PPFIA1: variants seen among roughly 807,000 people sequenced by gnomAD.
PPFIA1 encodes PPFI scaffold protein A1.
In PPFIA1, 25 loss-of-function variants were observed where a neutral mutation model predicts 149.9. The observed-to-expected ratio is 0.17, with a 90% CI of 0.12 to 0.23. PPFIA1 has a LOEUF of 0.23. Ranked by LOEUF, PPFIA1 falls within the 10% of genes least tolerant of loss-of-function variation. PPFIA1 has a pLI of 1.00. For synonymous variants in PPFIA1, 549 were observed against 552.8 expected, an observed-to-expected ratio of 0.99 and a Z score of 0.10; for missense variants, 1,362 against 1,506.5, an observed-to-expected ratio of 0.90 and a Z score of 1.59.
chr11:70,279,919 A>G (rs539822589), intron 2 of PPFIA1, among the ~76,000 whole-genome samples: 204 of 100,546 alleles, frequency 2.0e-3, no homozygotes, highest in African/African-American at 9.1e-3. Flanking sequence ...GTGTGTGTGT[A>G]TATTTTTGGG....
At chr11:70,372,026 C>T (rs2057292053) in intron 21 of PPFIA1, 189 bp from the exon 22 acceptor site, 2 of 438,416 alleles carry the variant, frequency 4.6e-6, no homozygotes, top group South Asian at 6.7e-5. Flanking sequence ...TGTTACTATT[C>T]CTGTTGTATA....
intron 2 of PPFIA1, among the ~76,000 whole-genome samples, chr11:70,273,299 T>C (rs2050201979): frequency 6.6e-6 from 1 of 152,148 alleles, no homozygotes; most frequent in Non-Finnish European, 1.5e-5. Context: ...ACTGAAATTG[T>C]TTCTCTGAGT....
chr11:70,343,923 A>C, intron 15 of PPFIA1, 31 bp downstream of exon 15: 4 of 1,559,944 alleles, frequency 2.6e-6, no homozygotes, highest in Non-Finnish European at 2.6e-6. Flanking sequence ...CACTCACCAC[A>C]CGCATGGGTG....
intron 2 of PPFIA1, among the ~76,000 whole-genome samples, chr11:70,278,507 A>C (rs2050553111): frequency 6.6e-6 from 1 of 151,782 alleles, no homozygotes; most frequent in African/African-American, 2.4e-5. Flanking sequence ...ACTTCTTTTT[A>C]TTTTCCCCTC....
chr11:70,335,077 C>G (rs955558776), intron 10 of PPFIA1, among the ~76,000 whole-genome samples: 1 of 152,102 alleles, frequency 6.6e-6, no homozygotes, highest in Non-Finnish European at 1.5e-5. Context: ...ATTTAAGCAA[C>G]ATAAAGATAT....
At chr11:70,325,225 T>A in intron 4 of PPFIA1, 1 of 472,090 alleles carries the variant, frequency 2.1e-6, no homozygotes, top group Non-Finnish European at 3.5e-6. Flanking sequence ...AATTGGGTAG[T>A]ATTAGGTTGT....
chr11:70,355,230 C>T (rs761930093), intron 17 of PPFIA1, among the ~76,000 whole-genome samples: 6 of 152,112 alleles, frequency 3.9e-5, no homozygotes, highest in South Asian at 2.1e-4. Context: ...CATTGGATTT[C>T]GGTTCTGTGC....
In PPFIA1 at chr11:70,356,259, GC is replaced by G; in HGVS notation, c.2582+6del. ...AAATCGTAAACTTCAAAAAAAGTAAGCTTTGTGTTATTTCTTCATCTCATTG... is the reference window on the plus strand; with the variant it reads ...AAATCGTAAACTTCAAAAAAAGTAAGTTTGTGTTATTTCTTCATCTCATTG... On this transcript the variant is annotated splice_donor_region_variant and intron_variant, in intron 19 of 27. Coordinates refer to ENST00000253925, the MANE Select transcript of PPFIA1 (RefSeq NM_003626.5). The G allele has an allele frequency of 6.2e-7, 1 of 1,609,642 alleles. No individual in the cohort carries two copies. Among genetic ancestry groups the G allele is most frequent in the Non-Finnish European group, 8.5e-7 (1 of 1,176,476 alleles).
chr11:70,349,833 T>C (rs531500988), intron 16 of PPFIA1: 38 of 446,310 alleles, frequency 8.5e-5, no homozygotes, highest in Non-Finnish European at 1.4e-4. Flanking sequence ...ATATTTTTTC[T>C]GGTTTTGTAA....
At chr11:70,314,633 G>A (rs754462944) in intron 2 of PPFIA1, among the ~76,000 whole-genome samples, 7 of 151,986 alleles carry the variant, frequency 4.6e-5, no homozygotes, top group Admixed American at 1.3e-4. Context: ...ACATAAAAGC[G>A]TGTGTTTGCT....
At chr11:70,370,606 C>T (rs1384064579) in intron 21 of PPFIA1, among the ~76,000 whole-genome samples, 1 of 151,878 alleles carries the variant, frequency 6.6e-6, no homozygotes, top group Admixed American at 6.6e-5. Context: ...AGGCTGGTGT[C>T]GGAACTCCTG....
chr11:70,324,640 G>T, intron 3 of PPFIA1, 137 bp downstream of exon 3: 4 of 886,736 alleles, frequency 4.5e-6, no homozygotes, highest in Non-Finnish European at 5.3e-6. Flanking sequence ...AGCAGACTGT[G>T]ATTAGTCAGC....
chr11:70,331,537 T>A (rs1156805611), intron 8 of PPFIA1, among the ~76,000 whole-genome samples: 1 of 152,074 alleles, frequency 6.6e-6, no homozygotes, highest in Non-Finnish European at 1.5e-5. Flanking sequence ...CCCACCACTT[T>A]GGGAGGCTGA....
chr11:70,273,111 C>T (rs1056550804), intron 2 of PPFIA1, among the ~76,000 whole-genome samples: 1 of 152,190 alleles, frequency 6.6e-6, no homozygotes, highest in African/African-American at 2.4e-5. Context: ...AACCCTGTCT[C>T]TACCAAAAAT....
chr11:70,372,816 C>T (rs1268390597), intron 23 of PPFIA1, among the ~76,000 whole-genome samples: 2 of 152,336 alleles, frequency 1.3e-5, no homozygotes, highest in Non-Finnish European at 2.9e-5. Context: ...ATGTCTCCGG[C>T]TAGTCGTTTC....
chr11:70,315,450 G>T (rs927941906), intron 2 of PPFIA1, among the ~76,000 whole-genome samples: 16 of 151,834 alleles, frequency 1.1e-4, no homozygotes, highest in African/African-American at 3.9e-4. Flanking sequence ...GTGGCACCAG[G>T]GTTTCAAAAC....
intron 16 of PPFIA1, among the ~76,000 whole-genome samples, chr11:70,352,231 CTGTT>C (rs1047745259): frequency 8.5e-5 from 13 of 152,212 alleles, no homozygotes; most frequent in African/African-American, 3.1e-4. Flanking sequence ...GACCTGGAGT[CTGTT>C]TGTACCTTGG....
intron 2 of PPFIA1, among the ~76,000 whole-genome samples, chr11:70,276,566 T>C (rs2050391628): frequency 6.6e-6 from 1 of 152,212 alleles, no homozygotes; most frequent in African/African-American, 2.4e-5. Flanking sequence ...TATTCCTTCT[T>C]TTTCTACTCC....
chr11:70,365,908 T>C (rs969730314), intron 21 of PPFIA1: 11 of 456,354 alleles, frequency 2.4e-5, no homozygotes, highest in Admixed American at 9.4e-5. Context: ...CTAATAGTTA[T>C]GTTCTTTTGC....
Sources: allele counts gnomAD v4.1 joint callset (sites outside exome capture counted in the v4.1 genomes callset), GRCh38; gene constraint gnomAD v4.1.1; transcripts MANE v1.5; gene names NCBI Gene and HGNC (gene_info 2026-07-23, HGNC 2026-07-21).